GREB1: variants seen among roughly 807,000 people sequenced by gnomAD.
GREB1 encodes growth regulating estrogen receptor binding 1.
Under a neutral mutation model 200.7 loss-of-function variants are expected in GREB1, and 106 were observed. The observed-to-expected ratio is 0.53, with a 90% CI of 0.45 to 0.62. The LOEUF (loss-of-function observed/expected upper bound fraction) is 0.62. GREB1 is among the 20% of genes least tolerant of loss of function. The probability of loss-of-function intolerance (pLI) is 0.00; values close to 1 mark genes in which losing one functional copy is unlikely to be tolerated. For synonymous variants in GREB1, 1,132 were observed against 1,092.4 expected, an observed-to-expected ratio of 1.04 and a Z score of -0.72; for missense variants, 2,243 against 2,556.8, an observed-to-expected ratio of 0.88 and a Z score of 2.65.
At chr2:11,584,498 A>G (rs1572813265) in intron 7 of GREB1, among the ~76,000 whole-genome samples, 1 of 151,848 alleles carries the variant, frequency 6.6e-6, no homozygotes, top group African/African-American at 2.4e-5. Flanking sequence ...GCACAAACAT[A>G]TTTCTCTCTT....
At chr2:11,614,975 T>C in intron 19 of GREB1, 116 bp from the exon 20 acceptor site, 2 of 769,614 alleles carry the variant, frequency 2.6e-6, no homozygotes, top group Non-Finnish European at 2.3e-6. Context: ...GTACGAGTCC[T>C]TGGGTCCTCA....
At chr2:11,503,883 C>T (rs1673111910) in intron 1 of GREB1, among the ~76,000 whole-genome samples, 1 of 152,118 alleles carries the variant, frequency 6.6e-6, no homozygotes, top group Admixed American at 6.5e-5. Context: ...GATATATGTT[C>T]CAAGATTCCT....
intron 17 of GREB1, among the ~76,000 whole-genome samples, chr2:11,607,467 T>A (rs1358908248): frequency 6.8e-6 from 1 of 146,234 alleles, no homozygotes; most frequent in African/African-American, 2.5e-5. Flanking sequence ...TGTGTATATA[T>A]ATATACACAC....
In GREB1 at chr2:11,629,928, TC is replaced by T. The variant is rs746998742; in HGVS notation, c.4450-18del. On this transcript the variant is annotated intron_variant, in intron 25 of 32. Transcript: ENST00000381486. This position sits in a 1 kb window ranked among gnomAD's most constrained non-coding sequence, Gnocchi z 5.2. Reference sequence around the variant, plus strand: ...GGCCGGACTCTGACGGCAAGCTCTGTCCTTTCCCCCACACCCCAGCTGTATG... The same window carrying T: ...GGCCGGACTCTGACGGCAAGCTCTGTCTTTCCCCCACACCCCAGCTGTATG... The T allele has an allele frequency of 2.5e-6, 4 of 1,612,610 alleles. No homozygotes were observed. In the South Asian group the frequency reaches 4.4e-5, roughly 18 times the overall value.
intron 7 of GREB1, among the ~76,000 whole-genome samples, chr2:11,581,896 G>A (rs1268432113): frequency 1.3e-5 from 2 of 152,182 alleles, no homozygotes; most frequent in African/African-American, 4.8e-5. Flanking sequence ...CACTGAAGGG[G>A]CAAAGGTAGT....
chr2:11,619,280 C>T lies in GREB1; in HGVS notation c.4044+361C>T, dbSNP rs553927304. Among the ~76,000 whole-genome samples the T allele has an allele frequency of 2.6e-5, 4 of 152,318 alleles. No individual in the cohort carries two copies. The South Asian group carries it at 6.2e-4, about 24-fold the overall frequency. The stretch of plus-strand genomic sequence containing the variant: ...CTGGAAGGTTTCGGTGAACCATGAA[C>T]GGAGAACTAGGGGTTCTGTTTCCCT... On this transcript the variant is annotated intron_variant, in intron 22 of 32. Transcript: ENST00000381486.
intron 7 of GREB1, chr2:11,581,161 G>A: frequency 1.7e-6 from 1 of 578,224 alleles, no homozygotes; most frequent in Non-Finnish European, 3.1e-6. Flanking sequence ...TGTTGGGGAA[G>A]AACATGGGCT....
chr2:11,524,035 A>G (rs761503825), intron 1 of GREB1, among the ~76,000 whole-genome samples: 1 of 148,256 alleles, frequency 6.7e-6, no homozygotes, highest in South Asian at 2.1e-4. Context: ...AGAAATGCAC[A>G]CACGTGCATG....
At chr2:11,516,613 C>T (rs925503620) in intron 1 of GREB1, among the ~76,000 whole-genome samples, 7 of 152,144 alleles carry the variant, frequency 4.6e-5, no homozygotes, top group African/African-American at 1.7e-4. Context: ...AGATGGAGAC[C>T]AGAATCTCAC....
rs75484266 is a variant in GREB1 at position 11,627,628 on chromosome 2, A to G, written c.4449+524A>G. Among the ~76,000 whole-genome samples the G allele has an allele frequency of 3.6e-4, 55 of 152,338 alleles. No homozygotes were observed. The East Asian group carries it at 9.5e-3, about 26-fold the overall frequency. Reference sequence around the variant, plus strand: ...CAGGCAATGTGCCTAGGCACTTTTTATATATCAGTCTCTCCCAACCTTTTA... The same window carrying G: ...CAGGCAATGTGCCTAGGCACTTTTTGTATATCAGTCTCTCCCAACCTTTTA... On this transcript the variant is annotated intron_variant, in intron 25 of 32. Transcript: ENST00000381486.
chr2:11,631,921 A>G lies in GREB1; in HGVS notation c.4624A>G (p.Ile1542Val). ...PLVTDKSHEYIKSPTFTPTTG... is the reference protein window; with the variant it reads ...PLVTDKSHEYVKSPTFTPTTG... Reference sequence around the variant, plus strand: ...CTGTACTTTGCAGAGCCATGAATATATAAAAAGTCCGACATTCACTCCAAC... The same window carrying G: ...CTGTACTTTGCAGAGCCATGAATATGTAAAAAGTCCGACATTCACTCCAAC... The change falls in exon 27 of 33, where the codon ATA becomes GTA. Residue 1542 changes from isoleucine to valine, a missense_variant. Ile to Val is a conservative substitution (Grantham distance 29). This residue lies in a region of GREB1 where 478 missense variants were observed against 616.3 expected (regional missense o/e 0.78). Coordinates refer to ENST00000381486, the MANE Select transcript of GREB1 (RefSeq NM_014668.4). 6.2e-7 allele frequency: 1 copy of G among 1,613,488 alleles called. No homozygotes were observed. The highest frequency in any genetic ancestry group is 2.2e-5 in the East Asian group (1 of 44,886).
At chr2:11,619,800 T>A (rs145369227) in intron 22 of GREB1, among the ~76,000 whole-genome samples, 240 of 152,324 alleles carry the variant, frequency 1.6e-3, no homozygotes, top group African/African-American at 5.7e-3. Context: ...CAGATTTTTG[T>A]CCTTTGTCTA....
chr2:11,574,739 A>T (rs888906505), intron 4 of GREB1, among the ~76,000 whole-genome samples: 2 of 152,196 alleles, frequency 1.3e-5, no homozygotes, highest in African/African-American at 4.8e-5. Context: ...CTCCAGGTTG[A>T]CTGGCTCCTG....
At chr2:11,581,269 G>A (rs1679448504) in intron 7 of GREB1, 6 of 513,610 alleles carry the variant, frequency 1.2e-5, no homozygotes, top group Middle Eastern at 4.9e-4. Flanking sequence ...ATCTGGAGAT[G>A]AGAATTCTGC....
In GREB1 at chr2:11,627,033, T is replaced by A; in HGVS notation, c.4378T>A (p.Tyr1460Asn). 1 of 1,614,114 alleles carries A rather than the reference T, an allele frequency of 6.2e-7. No homozygotes were observed. Among genetic ancestry groups the A allele is most frequent in the Non-Finnish European group, 8.5e-7 (1 of 1,179,954 alleles). ...GACGGCACGGATGAGACTGTCCAAG[T>A]ACGCAGCGTACAACACTTACCACCA... is the stretch of plus-strand genomic sequence containing the variant. ...RQTARMRLSK[Y>N]AAYNTYHHCE... The change falls in exon 25 of 33, where the codon TAC becomes AAC. Residue 1460 changes from tyrosine (Y) to asparagine (N), a missense_variant. Coordinates refer to ENST00000381486, the MANE Select transcript of GREB1 (RefSeq NM_014668.4).
At chr2:11,598,945 A>C (rs932670235) in intron 15 of GREB1, 85 bp downstream of exon 15, 1 of 1,128,000 alleles carries the variant, frequency 8.9e-7, no homozygotes, top group Admixed American at 1.8e-5. Context: ...TGAGGGTACA[A>C]ATCCTGAAAA....
chr2:11,544,687 C>T (rs1207332684), intron 1 of GREB1, among the ~76,000 whole-genome samples: 1 of 152,232 alleles, frequency 6.6e-6, no homozygotes, highest in Non-Finnish European at 1.5e-5. Context: ...GGGAAGGGCC[C>T]ATGGTGCTGA....
At position 11,629,160 on chromosome 2, in the gene GREB1, T is replaced by C. The variant is rs6709080; in HGVS notation, c.4450-788T>C. ...GAGATTAAAGCAGTGTGTGCTCGTCTGCCTCCTTCCCTGCAGACCCTGGAT... is the reference window on the plus strand; with the variant it reads ...GAGATTAAAGCAGTGTGTGCTCGTCCGCCTCCTTCCCTGCAGACCCTGGAT... On this transcript the variant is annotated intron_variant, in intron 25 of 32. Coordinates refer to ENST00000381486, the MANE Select transcript of GREB1 (RefSeq NM_014668.4). This position sits in a 1 kb window ranked among gnomAD's most constrained non-coding sequence, Gnocchi z 5.2. 0.18 allele frequency among the ~76,000 whole-genome samples: 25,879 copies of C among 141,270 alleles called. 2,476 individuals carry two copies. The highest frequency in any genetic ancestry group is 0.28 in the Middle Eastern group (77 of 276). 92.7% of individuals were successfully genotyped at this position (141,270 alleles called of 152,430 possible).
At chr2:11,587,729 A>C in intron 9 of GREB1, 2 of 1,201,960 alleles carry the variant, frequency 1.7e-6, no homozygotes, top group African/African-American at 1.6e-5. Context: ...ACACACACAC[A>C]CACACACACA....
Sources: gnomAD v4.1 joint callset for allele counts (sites outside exome capture counted in the v4.1 genomes callset) on GRCh38, gnomAD v4.1.1 for gene constraint, gnomAD v4.1.1 regional missense constraint, Gnocchi (gnomAD v3.1) non-coding constraint, MANE v1.5 for transcripts, NCBI Gene and HGNC (gene_info 2026-07-23, HGNC 2026-07-21) for gene names.